TMEM132B: variants seen among roughly 807,000 people sequenced by gnomAD.
The protein encoded by TMEM132B is transmembrane protein 132B.
A neutral mutation model predicts 90.8 loss-of-function variants in TMEM132B; 18 were observed. That is an observed-to-expected ratio of 0.20 (90% confidence interval 0.14 to 0.29). The LOEUF is 0.29. Ranked by LOEUF, TMEM132B falls within the 10% of genes least tolerant of loss-of-function variation. The pLI, the probability that TMEM132B is intolerant of heterozygous loss-of-function variation, is 1.00. For missense variants in TMEM132B, 1,096 were observed against 1,326.8 expected, an observed-to-expected ratio of 0.83 and a Z score of 2.70; for synonymous variants, 504 against 523.3, an observed-to-expected ratio of 0.96 and a Z score of 0.50.
At chr12:125,198,352 G>C (rs1409174074) in intron 1 of TMEM132B, among the ~76,000 whole-genome samples, 1 of 152,076 alleles carries the variant, frequency 6.6e-6, no homozygotes, top group African/African-American at 2.4e-5. Flanking sequence ...CTCCTAATGG[G>C]GTCTTCTGCT....
At chr12:125,444,024 G>A (rs1194571686) in intron 3 of TMEM132B, among the ~76,000 whole-genome samples, 1 of 152,130 alleles carries the variant, frequency 6.6e-6, no homozygotes, top group Non-Finnish European at 1.5e-5. Context: ...TGGGTTGAAG[G>A]AAGTGTAGTT....
At chr12:125,602,613 G>T (rs1469431769) in intron 5 of TMEM132B, among the ~76,000 whole-genome samples, 1 of 152,164 alleles carries the variant, frequency 6.6e-6, no homozygotes, top group East Asian at 1.9e-4. Flanking sequence ...GTTCTGGCCA[G>T]GGCGATCACG....
chr12:125,464,644 G>A (rs1881519745), intron 3 of TMEM132B, among the ~76,000 whole-genome samples: 1 of 152,290 alleles, frequency 6.6e-6, no homozygotes, highest in Middle Eastern at 3.4e-3. Context: ...CGTGATTAAA[G>A]TCAATCTCTG....
In TMEM132B at chr12:125,251,569, C is replaced by G. The variant is rs1874316495; in HGVS notation, c.67+64703C>G. On this transcript the variant is annotated intron_variant, in intron 1 of 8. Coordinates refer to ENST00000682704, the MANE Select transcript of TMEM132B (RefSeq NM_001366854.1). This position sits in a 1 kb window ranked among gnomAD's most constrained non-coding sequence, Gnocchi z 4.4. ...TGATAGGCACTTGATTATAAAGAAA[C>G]CTTTCTCTACCATAAGAAAAATAGC... is the stretch of plus-strand genomic sequence containing the variant. 6.6e-6 allele frequency among the ~76,000 whole-genome samples: 1 copy of G among 152,170 alleles called. No individual in the cohort carries two copies. The highest frequency in any genetic ancestry group is 1.5e-5 in the Non-Finnish European group (1 of 68,036).
At chr12:125,448,249 CAAA>C (rs956442701) in intron 3 of TMEM132B, among the ~76,000 whole-genome samples, 1 of 140,270 alleles carries the variant, frequency 7.1e-6, no homozygotes, top group African/African-American at 2.6e-5. Flanking sequence ...AACTCTGTCT[CAAA>C]AAAAAAAAAA....
chr12:125,208,887 G>T (rs1237599942), intron 1 of TMEM132B, among the ~76,000 whole-genome samples: 1 of 152,168 alleles, frequency 6.6e-6, no homozygotes, highest in Admixed American at 6.5e-5. Flanking sequence ...GGCTGCCCTC[G>T]TGTGCCCCTT....
At chr12:125,411,870 G>A (rs1363524491) in intron 2 of TMEM132B, among the ~76,000 whole-genome samples, 1 of 152,122 alleles carries the variant, frequency 6.6e-6, no homozygotes, top group Non-Finnish European at 1.5e-5. Context: ...GTGCTGGGAA[G>A]GCTGTGCTGG....
At chr12:125,423,007 T>G (rs1337052213) in intron 3 of TMEM132B, among the ~76,000 whole-genome samples, 1 of 152,202 alleles carries the variant, frequency 6.6e-6, no homozygotes, top group Non-Finnish European at 1.5e-5. Flanking sequence ...CAATCCTGGA[T>G]GCCCATCAGT....
intron 2 of TMEM132B, among the ~76,000 whole-genome samples, chr12:125,402,048 G>A (rs556449414): frequency 1.1e-4 from 16 of 152,248 alleles, no homozygotes; most frequent in Non-Finnish European, 1.9e-4. Flanking sequence ...AAAAGGATCC[G>A]TTTAGCGGAA....
chr12:125,450,683 G>A lies in TMEM132B; in HGVS notation c.1106+35006G>A, dbSNP rs1003372118. ...ATCTAGTGGAAAATTTTGATGATTG[G>A]CACATTATTTACATGGTCTCAAAAT... is the stretch of plus-strand genomic sequence containing the variant. On this transcript the variant is annotated intron_variant, in intron 3 of 8. Coordinates refer to ENST00000682704, the MANE Select transcript of TMEM132B (RefSeq NM_001366854.1). Among the ~76,000 whole-genome samples the A allele has an allele frequency of 8.5e-5, 13 of 152,188 alleles. No individual in the cohort carries two copies. In the South Asian group the frequency reaches 1.7e-3, roughly 19 times the overall value.
chr12:125,395,833 T>G (rs1879154531), intron 2 of TMEM132B, among the ~76,000 whole-genome samples: 1 of 152,206 alleles, frequency 6.6e-6, no homozygotes. Flanking sequence ...GCCTCTGCAT[T>G]TCTCTGATGG....
At chr12:125,597,892 G>C (rs1292837487) in intron 5 of TMEM132B, among the ~76,000 whole-genome samples, 1 of 152,116 alleles carries the variant, frequency 6.6e-6, no homozygotes, top group Non-Finnish European at 1.5e-5. Flanking sequence ...CTTGAGTCCA[G>C]GTTCACTTTA....
intron 4 of TMEM132B, among the ~76,000 whole-genome samples, chr12:125,561,031 C>T (rs920089865): frequency 2.0e-5 from 3 of 151,874 alleles, no homozygotes; most frequent in Non-Finnish European, 1.5e-5. Context: ...GTTATATACC[C>T]AAAGGATTAT....
intron 1 of TMEM132B, among the ~76,000 whole-genome samples, chr12:125,248,738 G>A (rs1593055374): frequency 6.6e-6 from 1 of 152,278 alleles, no homozygotes; most frequent in East Asian, 1.9e-4. Flanking sequence ...GGGGAGTGGG[G>A]TATGGGGAGC....
intron 4 of TMEM132B, among the ~76,000 whole-genome samples, chr12:125,533,676 C>CCCCTT (rs1181754385): frequency 6.6e-6 from 1 of 151,796 alleles, no homozygotes; most frequent in Non-Finnish European, 1.5e-5. Context: ...GCCCTCCCCT[C>CCCCTT]CCCGGCGGAG....
rs930792382 is a variant in TMEM132B at position 125,458,211 on chromosome 12, G to C, written c.1106+42534G>C. Among the ~76,000 whole-genome samples the C allele has an allele frequency of 8.6e-5, 13 of 151,812 alleles. No individual in the cohort carries two copies. The highest frequency in any genetic ancestry group is 7.2e-4 in the Admixed American group (11 of 15,238). ...GTGGCGTCCCTGAGGCCAAAAACAA[G>C]GGCCTTGGACAAGGCCCTTGTCCAA... On this transcript the variant is annotated intron_variant, in intron 3 of 8. Transcript: ENST00000682704. This position sits in a 1 kb window ranked among gnomAD's most constrained non-coding sequence, Gnocchi z 4.9.
chr12:125,230,123 A>AG (rs1269498667), intron 1 of TMEM132B, among the ~76,000 whole-genome samples: 1 of 152,222 alleles, frequency 6.6e-6, no homozygotes, highest in Non-Finnish European at 1.5e-5. Context: ...GCAGGCAAAA[A>AG]CAACAGATGT....
chr12:125,456,509 G>C (rs564592094), intron 3 of TMEM132B, among the ~76,000 whole-genome samples: 3 of 152,362 alleles, frequency 2.0e-5, no homozygotes, highest in East Asian at 3.9e-4. Context: ...GATCTAGGGG[G>C]CTCATCCTGC....
At position 125,415,392 on chromosome 12, in the gene TMEM132B, T is replaced by TCCCCCCCCCCCCCCCC; in HGVS notation, c.960-138_960-137insCCCCCCCCCCCCCCCC. 1 of 1,105,336 alleles carries TCCCCCCCCCCCCCCCC rather than the reference T, an allele frequency of 9.0e-7. No individual in the cohort carries two copies. The allele number at this position is 1,105,336 out of a possible 1,614,324, so 68.5% of individuals were successfully genotyped here. On this transcript the variant is annotated intron_variant, in intron 2 of 8. Transcript: ENST00000682704. This position sits in a 1 kb window ranked among gnomAD's most constrained non-coding sequence, Gnocchi z 5.3. ...TTAAAGGAAAGCCACTTGCCACCAC[T>TCCCCCCCCCCCCCCCC]CTCCCCCACATCTCCCAGAGGAAGG...
Sources: gnomAD v4.1 joint callset for allele counts (sites outside exome capture counted in the v4.1 genomes callset) on GRCh38, gnomAD v4.1.1 for gene constraint, Gnocchi (gnomAD v3.1) non-coding constraint, MANE v1.5 for transcripts, NCBI Gene and HGNC (gene_info 2026-07-23, HGNC 2026-07-21) for gene names.